The following PCSK2 variants were observed in gnomAD, a reference collection of about 807,000 sequenced individuals.
PCSK2 encodes the protein neuroendocrine convertase 2.
Under a neutral mutation model 69.7 loss-of-function variants are expected in PCSK2, and 14 were observed. The observed-to-expected ratio is 0.20, with a 90% CI of 0.13 to 0.31. The LOEUF (loss-of-function observed/expected upper bound fraction) is 0.31, where lower values mean the gene tolerates loss of function less well. PCSK2 is among the 10% of genes least tolerant of loss of function. PCSK2 has a pLI of 1.00. For synonymous variants in PCSK2, 307 were observed against 320.7 expected, an observed-to-expected ratio of 0.96 and a Z score of 0.46; for missense variants, 544 against 842.5, an observed-to-expected ratio of 0.65 and a Z score of 4.39.
intron 2 of PCSK2, among the ~76,000 whole-genome samples, chr20:17,294,448 G>C (rs1414304865): frequency 6.6e-6 from 1 of 152,160 alleles, no homozygotes; most frequent in African/African-American, 2.4e-5. Flanking sequence ...TGCTTCTCCA[G>C]TGTTTTCCTT....
At chr20:17,301,222 G>T (rs921681138) in intron 2 of PCSK2, among the ~76,000 whole-genome samples, 1 of 152,148 alleles carries the variant, frequency 6.6e-6, no homozygotes, top group Admixed American at 6.5e-5. Context: ...TCCAGCACTG[G>T]CTGGATGTGG....
chr20:17,268,623 T>C (rs1396255195), intron 2 of PCSK2, among the ~76,000 whole-genome samples: 1 of 151,652 alleles, frequency 6.6e-6, no homozygotes, highest in Non-Finnish European at 1.5e-5. Flanking sequence ...CCAAGGACAG[T>C]GGGGAAGGAG....
intron 6 of PCSK2, among the ~76,000 whole-genome samples, chr20:17,413,933 C>A (rs1277882272): frequency 2.0e-5 from 3 of 152,198 alleles, no homozygotes; most frequent in African/African-American, 7.2e-5. Flanking sequence ...TGAATGACTA[C>A]TGGGTACATA....
chr20:17,243,109 C>A (rs1351780677), intron 1 of PCSK2, among the ~76,000 whole-genome samples: 2 of 152,168 alleles, frequency 1.3e-5, no homozygotes, highest in Non-Finnish European at 1.5e-5. Context: ...CCATGCCCGT[C>A]CTGAAAAATT....
chr20:17,247,154 T>A (rs1381752476), intron 1 of PCSK2, among the ~76,000 whole-genome samples: 2 of 152,190 alleles, frequency 1.3e-5, no homozygotes. Flanking sequence ...CTTCTCCACA[T>A]GGTCTCTCAT....
In PCSK2 at chr20:17,349,029, T is replaced by C. The variant is rs115302790; in HGVS notation, c.283-9298T>C. ...TCACTCCTAACCTCTCATGTGGTTG[T>C]CGGGGAAAATAACTGAGATAATGTA... On this transcript the variant is annotated intron_variant, in intron 2 of 11. Coordinates refer to ENST00000262545, the MANE Select transcript of PCSK2 (RefSeq NM_002594.5). Among the ~76,000 whole-genome samples, 461 of 152,264 alleles carry C rather than the reference T, an allele frequency of 3.0e-3. 5 individuals carry two copies. The highest frequency in any genetic ancestry group is 0.01 in the African/African-American group (424 of 41,554).
chr20:17,324,601 A>G (rs1483549245), intron 2 of PCSK2, among the ~76,000 whole-genome samples: 1 of 151,852 alleles, frequency 6.6e-6, no homozygotes, highest in Non-Finnish European at 1.5e-5. Context: ...GGTCCTGATC[A>G]CCCTCTTCCT....
chr20:17,394,158 A>G (rs1459636509), intron 5 of PCSK2, among the ~76,000 whole-genome samples: 1 of 152,178 alleles, frequency 6.6e-6, no homozygotes, highest in Non-Finnish European at 1.5e-5. Context: ...AGTTTTCTCT[A>G]TGATAATAAC....
At chr20:17,310,807 T>C (rs547322959) in intron 2 of PCSK2, among the ~76,000 whole-genome samples, 14 of 151,778 alleles carry the variant, frequency 9.2e-5, no homozygotes, top group African/African-American at 2.9e-4. Context: ...CTGGCCAAGA[T>C]GGTGAAACCC....
At chr20:17,288,531 A>C (rs904306807) in intron 2 of PCSK2, among the ~76,000 whole-genome samples, 1 of 152,146 alleles carries the variant, frequency 6.6e-6, no homozygotes, top group African/African-American at 2.4e-5. Flanking sequence ...CCCCAGATTC[A>C]TATGTTGAAG....
At chr20:17,426,958 G>A (rs574700674) in intron 6 of PCSK2, among the ~76,000 whole-genome samples, 172 of 152,238 alleles carry the variant, frequency 1.1e-3, no homozygotes, top group Non-Finnish European at 2.1e-3. Context: ...GAAATTAACC[G>A]TTACAATTTT....
chr20:17,357,776 C>T (rs563860745), intron 2 of PCSK2, among the ~76,000 whole-genome samples: 232 of 152,148 alleles, frequency 1.5e-3, no homozygotes, highest in Non-Finnish European at 2.5e-3. Context: ...TGCCTGTAAT[C>T]CCAGCTACTC....
Position 17,351,135 on chromosome 20 carries a change from G to A in PCSK2, c.283-7192G>A, listed in dbSNP as rs139288547. Reference sequence around the variant, plus strand: ...GATGTTTTCTGCTTCATCTTAGCATGGTCATAACTGGCACATCATAGAGAG... The same window carrying A: ...GATGTTTTCTGCTTCATCTTAGCATAGTCATAACTGGCACATCATAGAGAG... On this transcript the variant is annotated intron_variant, in intron 2 of 11. Coordinates refer to ENST00000262545, the MANE Select transcript of PCSK2 (RefSeq NM_002594.5). Among the ~76,000 whole-genome samples the A allele has an allele frequency of 1.7e-3, 252 of 152,212 alleles. 2 individuals are homozygous for A. Among genetic ancestry groups the A allele is most frequent in the African/African-American group, 5.0e-3 (209 of 41,522 alleles).
intron 3 of PCSK2, among the ~76,000 whole-genome samples, 162 bp downstream of exon 3, chr20:17,358,602 A>C (rs1050615064): frequency 4.6e-5 from 7 of 152,354 alleles, no homozygotes; most frequent in Middle Eastern, 3.4e-3. Context: ...CCACCTGTGC[A>C]TCTAGTTCTC....
chr20:17,265,963 A>C (rs530825835), intron 2 of PCSK2, among the ~76,000 whole-genome samples: 21 of 152,328 alleles, frequency 1.4e-4, no homozygotes, highest in Non-Finnish European at 2.5e-4. Context: ...ACGAAGTCTG[A>C]TTTAAATAAA....
intron 2 of PCSK2, among the ~76,000 whole-genome samples, chr20:17,329,763 C>T (rs147079014): frequency 1.1e-3 from 164 of 152,268 alleles, no homozygotes; most frequent in African/African-American, 3.8e-3. Flanking sequence ...TCCTATATTC[C>T]TAAAAGTCAC....
At chr20:17,347,849 A>AAAGAAAGAAAGAAAGG (rs1555789954) in intron 2 of PCSK2, among the ~76,000 whole-genome samples, 3 of 103,292 alleles carry the variant, frequency 2.9e-5, no homozygotes, top group Admixed American at 1.2e-4. Flanking sequence ...AGAAAGAAAG[A>AAAGAAAGAAAGAAAGG]AAGAAAGAAA....
rs558634677 is a variant in PCSK2 at position 17,294,282 on chromosome 20, A to T, written c.282+33938A>T. Among the ~76,000 whole-genome samples the T allele has an allele frequency of 9.5e-5, 14 of 147,576 alleles. 1 individual carries two copies. Among genetic ancestry groups the T allele is most frequent in the African/African-American group, 3.3e-4 (13 of 39,824 alleles). On this transcript the variant is annotated intron_variant, in intron 2 of 11. Transcript: ENST00000262545. The stretch of plus-strand genomic sequence containing the variant: ...ACCGCGCCCGGCTAATTTTTTTTGT[A>T]TTTTTAGTAGAGACGGGGTTTCACC...
chr20:17,440,071 G>A (rs1195479617), intron 8 of PCSK2, among the ~76,000 whole-genome samples: 1 of 152,216 alleles, frequency 6.6e-6, no homozygotes. Flanking sequence ...TCAGCAGGTG[G>A]AGAGCTCTTG....
Sources: gnomAD v4.1 joint callset for allele counts (sites outside exome capture counted in the v4.1 genomes callset) on GRCh38, gnomAD v4.1.1 for gene constraint, MANE v1.5 for transcripts, NCBI Gene and HGNC (gene_info 2026-07-23, HGNC 2026-07-21) for gene names.